PPEF1: variants seen among roughly 807,000 people sequenced by gnomAD.
The protein encoded by PPEF1 is serine/threonine-protein phosphatase with EF-hands 1.
Under a neutral mutation model 53.3 loss-of-function variants are expected in PPEF1, and 12 were observed. That is an observed-to-expected ratio of 0.23 (90% CI 0.14 to 0.36). The LOEUF (loss-of-function observed/expected upper bound fraction) is 0.36, where lower values mean the gene tolerates loss of function less well. Among genes scored for constraint, PPEF1 ranks in the 10% least tolerant of loss-of-function variants. The pLI is 1.00. For synonymous variants in PPEF1, 165 were observed against 176.7 expected (o/e 0.93, Z 0.52); for missense variants, 334 against 490.4 (o/e 0.68, Z 3.01).
rs972728834 is a variant in PPEF1 at position 18,819,357 on chromosome X, A to T, written c.1501+1212A>T. Among the ~76,000 whole-genome samples, 3 of 112,235 alleles carry T rather than the reference A, an allele frequency of 2.7e-5. No homozygotes were observed. The Admixed American group carries it at 2.9e-4, about 11-fold the overall frequency. On this transcript the variant is annotated intron_variant, in intron 13 of 15. Coordinates refer to ENST00000470157, the MANE Select transcript of PPEF1 (RefSeq NM_001377996.1). ...GCATAATGAATGGGTTAAACGGAAG[A>T]TTAGACGCTACTCAAGAAAGAATTA...
upstream of PPEF1, among the ~76,000 whole-genome samples, chrX:18,681,171 A>G (rs377439405): frequency 9.0e-6 from 1 of 111,496 alleles, no homozygotes; most frequent in East Asian, 2.8e-4. Context: ...TAGAGATGGG[A>G]TTTCACCATG....
intron 1 of PPEF1, among the ~76,000 whole-genome samples, chrX:18,718,176 T>G (rs190136209): frequency 2.7e-5 from 3 of 112,152 alleles, no homozygotes; most frequent in African/African-American, 9.7e-5. Context: ...CTTCATCTTT[T>G]TATTTGCTGT....
At chrX:18,776,876 C>T (rs10156935) in intron 6 of PPEF1, among the ~76,000 whole-genome samples, 6,702 of 111,408 alleles carry the variant, frequency 0.06, 493 homozygotes, top group African/African-American at 0.2. Context: ...GCTGAGATCG[C>T]GCCATTGCAC....
chrX:18,777,194 C>T, intron 6 of PPEF1, among the ~76,000 whole-genome samples: 1 of 112,257 alleles, frequency 8.9e-6, no homozygotes, highest in Non-Finnish European at 1.9e-5. Flanking sequence ...CTTCTTATCA[C>T]ACTATGCCAT....
chrX:18,720,621 A>G (rs1190761002), intron 1 of PPEF1, among the ~76,000 whole-genome samples: 1 of 111,572 alleles, frequency 9.0e-6, no homozygotes, highest in Admixed American at 9.5e-5. Flanking sequence ...CTTTCAAAAG[A>G]AAAAACCCTA....
At chrX:18,824,140 T>G in intron 14 of PPEF1, 54 bp downstream of exon 14, 4 of 1,100,539 alleles carry the variant, frequency 3.6e-6, no homozygotes, top group Non-Finnish European at 3.7e-6. Flanking sequence ...CATAACTTAG[T>G]CCTTTGAAAA....
upstream of PPEF1, among the ~76,000 whole-genome samples, chrX:18,681,640 A>G (rs1349453445): frequency 8.9e-6 from 1 of 112,005 alleles, no homozygotes; most frequent in Non-Finnish European, 1.9e-5. Flanking sequence ...TCTTGGTTGC[A>G]TACAACAGAA....
At chrX:18,804,396 TC>T (rs775250902) in intron 11 of PPEF1, among the ~76,000 whole-genome samples, 2 of 109,016 alleles carry the variant, frequency 1.8e-5, no homozygotes, top group Non-Finnish European at 3.8e-5. Context: ...AACCTCCGCC[TC>T]CCGGGTTCAA....
At chrX:18,800,320 A>AAT (rs1367958010) in intron 10 of PPEF1, among the ~76,000 whole-genome samples, 1 of 110,817 alleles carries the variant, frequency 9.0e-6, no homozygotes, top group African/African-American at 3.3e-5. Context: ...TATATAAAAT[A>AAT]ATATATCCAT....
chrX:18,720,918 C>T lies in PPEF1; in HGVS notation c.47-9263C>T, dbSNP rs1244175404. 2.7e-5 allele frequency among the ~76,000 whole-genome samples: 3 copies of T among 111,129 alleles called. No individual in the cohort carries two copies. The East Asian group carries it at 8.5e-4, about 32-fold the overall frequency. On this transcript the variant is annotated intron_variant, in intron 1 of 15. Transcript: ENST00000470157. ...TCCCATTTACTGGCCCCCATGGTCACCTGGAAAAGCCCCACCTCTGGAATC... is the reference window on the plus strand; with the variant it reads ...TCCCATTTACTGGCCCCCATGGTCATCTGGAAAAGCCCCACCTCTGGAATC...
intron 12 of PPEF1, among the ~76,000 whole-genome samples, chrX:18,812,824 AGTGAT>A (rs1233331679): frequency 5.4e-5 from 6 of 110,331 alleles, no homozygotes; most frequent in Admixed American, 3.9e-4. Flanking sequence ...GCTGGAGTGC[AGTGAT>A]GTGATCATAG....
upstream of PPEF1, among the ~76,000 whole-genome samples, chrX:18,675,364 C>G (rs749008546): frequency 1.6e-3 from 177 of 113,718 alleles, 1 homozygote; most frequent in Non-Finnish European, 3.0e-3. Context: ...AACTGAGCCT[C>G]GGCCACCCGG....
At chrX:18,724,488 C>T (rs1465841264) in intron 1 of PPEF1, among the ~76,000 whole-genome samples, 15 of 112,060 alleles carry the variant, frequency 1.3e-4, no homozygotes, top group Non-Finnish European at 2.6e-4. Context: ...AAAAAACCAG[C>T]TTGGCAATAG....
intron 13 of PPEF1, among the ~76,000 whole-genome samples, chrX:18,821,790 AGAGAGAGAG>A (rs1569273846): frequency 0.017 from 1,022 of 58,741 alleles, 15 homozygotes; most frequent in Middle Eastern, 0.027. Flanking sequence ...AGAGAGAGAG[AGAGAGAGAG>A]AGAGAAAACA....
chrX:18,765,684 C>T (rs1015543177), intron 6 of PPEF1, among the ~76,000 whole-genome samples: 5 of 110,871 alleles, frequency 4.5e-5, no homozygotes, highest in African/African-American at 1.6e-4. Context: ...TTTTCAACAG[C>T]GGTACAGCAG....
chrX:18,706,217 GAAAAAA>G (rs761694284), upstream of PPEF1, among the ~76,000 whole-genome samples: 1 of 54,406 alleles, frequency 1.8e-5, no homozygotes, highest in Admixed American at 2.6e-4. Context: ...GACCCTGTCT[GAAAAAA>G]AAAAAAAAAA....
rs781445029 is a variant in PPEF1 at position 18,730,183 on chromosome X, C to T, written c.49C>T (p.Leu17=). ...STKTRRSDTS[L]RAALIIQNWY... ...TTTCATATTCTGTGGGTCTGCAGCA[C>T]TGAGAGCTGCGTTGATCATCCAGAA... Residue 17 remains leucine (L), a splice_region_variant and synonymous_variant, in exon 2 of 16, where the codon CTG becomes TTG. Transcript: ENST00000470157. 1.1e-5 allele frequency: 13 copies of T among 1,207,475 alleles called. No homozygotes were observed. Among genetic ancestry groups the T allele is most frequent in the Non-Finnish European group, 9.0e-6 (8 of 893,796 alleles).
intron 6 of PPEF1, among the ~76,000 whole-genome samples, chrX:18,776,813 G>T (rs1219642716): frequency 9.0e-6 from 1 of 111,450 alleles, no homozygotes; most frequent in Non-Finnish European, 1.9e-5. Context: ...CCAGCTACTC[G>T]GGAGGCTGAA....
chrX:18,745,661 GA>G lies in PPEF1; in HGVS notation c.236-4128del, dbSNP rs779094613. 3.2e-4 allele frequency among the ~76,000 whole-genome samples: 36 copies of G among 111,674 alleles called. No homozygotes were observed. The East Asian group carries it at 3.9e-3, about 12-fold the overall frequency. On this transcript the variant is annotated intron_variant, in intron 3 of 15. Transcript: ENST00000470157. ...TGGATCAGTGTTAGAATGAAACAGT[GA>G]AAGTGGGCATCCTTGTTTTGTTGAT...
Sources: gnomAD v4.1 joint callset for allele counts (sites outside exome capture counted in the v4.1 genomes callset) on GRCh38, gnomAD v4.1.1 for gene constraint, MANE v1.5 for transcripts, NCBI Gene and HGNC (gene_info 2026-07-23, HGNC 2026-07-21) for gene names.